Variants in RABGAP1 observed in about 807,000 individuals in gnomAD.
RABGAP1 encodes RAB GTPase activating protein 1, also known as rab GTPase-activating protein 1.
Under a neutral mutation model 137.6 loss-of-function variants are expected in RABGAP1, and 23 were observed. The observed-to-expected ratio is 0.17, with a 90% CI of 0.12 to 0.24. The LOEUF (loss-of-function observed/expected upper bound fraction) is 0.24, where lower values mean the gene tolerates loss of function less well. Ranked by LOEUF, RABGAP1 falls within the 10% of genes least tolerant of loss-of-function variation. RABGAP1 has a pLI of 1.00. For synonymous variants in RABGAP1, 451 were observed against 450.7 expected (o/e 1.00, Z -0.01); for missense variants, 906 against 1,275.8 (o/e 0.71, Z 4.42).
At position 123,088,277 on chromosome 9, in the gene RABGAP1, T is replaced by C. The variant is rs185743013; in HGVS notation, c.2425-1481T>C. On this transcript the variant is annotated intron_variant, in intron 19 of 25. Transcript: ENST00000373647. ...GTTGCCCAGGCTGGTTTCAAACTCC[T>C]GGCCTCAAGTGATCCTTCTGCCTTG... Among the ~76,000 whole-genome samples, 933 of 152,180 alleles carry C rather than the reference T, an allele frequency of 6.1e-3. 4 individuals are homozygous for C. Among genetic ancestry groups the C allele is most frequent in the Non-Finnish European group, 9.2e-3 (624 of 67,996 alleles).
chr9:122,938,092 A>C (rs924768116), upstream of RABGAP1: 5 of 152,240 alleles, frequency 3.3e-5, no homozygotes, highest in African/African-American at 1.2e-4. Context: ...AGCAGAAGAA[A>C]GAACCAGCAA....
chr9:123,048,676 T>A (rs2033327560), intron 13 of RABGAP1, among the ~76,000 whole-genome samples: 1 of 152,266 alleles, frequency 6.6e-6, no homozygotes, highest in Non-Finnish European at 1.5e-5. Flanking sequence ...TTGCATATAA[T>A]AATTTTATGT....
intron 2 of RABGAP1, among the ~76,000 whole-genome samples, chr9:122,968,160 A>T (rs900493108): frequency 2.6e-5 from 4 of 152,116 alleles, no homozygotes; most frequent in African/African-American, 9.7e-5. Context: ...ACATCAGTGT[A>T]AATAGGGTAT....
chr9:123,094,233 TTTC>T (rs1248557446), intron 21 of RABGAP1, among the ~76,000 whole-genome samples: 2 of 152,230 alleles, frequency 1.3e-5, no homozygotes, highest in African/African-American at 4.8e-5. Context: ...TGCCTCTCTT[TTTC>T]TTGTCTCACT....
At chr9:122,960,878 A>G (rs1018139881) in intron 2 of RABGAP1, among the ~76,000 whole-genome samples, 1 of 152,232 alleles carries the variant, frequency 6.6e-6, no homozygotes, top group African/African-American at 2.4e-5. Context: ...ACATCACAGT[A>G]ACTGAAATGA....
At chr9:122,945,147 C>CTTTGTTTTTTTTTTTTTTTTTTT (rs1833873059) in intron 1 of RABGAP1, among the ~76,000 whole-genome samples, 3 of 75,770 alleles carry the variant, frequency 4.0e-5, no homozygotes, top group Non-Finnish European at 8.6e-5. Flanking sequence ...ATAGCTGTTG[C>CTTTGTTTTTTTTTTTTTTTTTTT]TTTTTTTTTT....
chr9:123,011,209 T>C (rs1383025849), intron 11 of RABGAP1, among the ~76,000 whole-genome samples: 1 of 152,066 alleles, frequency 6.6e-6, no homozygotes, highest in African/African-American at 2.4e-5. Context: ...GAGCCATGCA[T>C]CTATATGTGA....
intron 2 of RABGAP1, among the ~76,000 whole-genome samples, chr9:122,964,811 G>A (rs1449964): frequency 0.98 from 148,712 of 152,222 alleles, 72,741 homozygotes; most frequent in East Asian, 1. Flanking sequence ...GGCAACATAC[G>A]GAGACTCCAT....
At chr9:123,018,448 G>A (rs532610103) in intron 12 of RABGAP1, among the ~76,000 whole-genome samples, 1 of 152,306 alleles carries the variant, frequency 6.6e-6, no homozygotes, top group South Asian at 2.1e-4. Flanking sequence ...GTCTGTCACA[G>A]CTACTCAGTT....
intron 14 of RABGAP1, among the ~76,000 whole-genome samples, chr9:123,066,788 G>A (rs2034187498): frequency 2.0e-5 from 3 of 152,174 alleles, no homozygotes; most frequent in South Asian, 2.1e-4. Flanking sequence ...TCTGTCAATT[G>A]TATCAAACAG....
chr9:122,957,318 T>C, intron 2 of RABGAP1, 109 bp downstream of exon 2: 2 of 834,824 alleles, frequency 2.4e-6, no homozygotes, highest in Non-Finnish European at 3.4e-6. Flanking sequence ...ATGGAAGTAA[T>C]ATACTTCTTT....
At chr9:123,049,007 T>A (rs1416127893) in intron 13 of RABGAP1, among the ~76,000 whole-genome samples, 2 of 152,202 alleles carry the variant, frequency 1.3e-5, no homozygotes, top group Non-Finnish European at 2.9e-5. Flanking sequence ...GGACTTAGAT[T>A]TATTTTTAGA....
In RABGAP1 at chr9:123,022,097, C is replaced by T. The variant is rs2031676443; in HGVS notation, c.1794+1638C>T. The stretch of plus-strand genomic sequence containing the variant: ...TTTTTATTTTCTTTTGTTGGCAAAT[C>T]ATATTTTGGATTTGTAACACTACTT... On this transcript the variant is annotated intron_variant, in intron 13 of 25. Coordinates refer to ENST00000373647, the MANE Select transcript of RABGAP1 (RefSeq NM_012197.4). 5.3e-5 allele frequency among the ~76,000 whole-genome samples: 8 copies of T among 152,242 alleles called. No homozygotes were observed. The South Asian group carries it at 1.7e-3, about 32-fold the overall frequency.
At chr9:122,990,796 A>AAAAAAAT (rs1564384161) in intron 6 of RABGAP1, 1 of 27,746 alleles carries the variant, frequency 3.6e-5, no homozygotes, top group Non-Finnish European at 6.9e-5. Context: ...AAAAAAAAAA[A>AAAAAAAT]ATATATATAT....
intron 7 of RABGAP1, 78 bp downstream of exon 7, chr9:122,996,229 T>TA (rs1837015605): frequency 6.7e-7 from 1 of 1,485,152 alleles, no homozygotes; most frequent in South Asian, 1.4e-5. Context: ...TACACTGTAT[T>TA]AAAAAATGTA....
Position 123,103,477 on chromosome 9 carries a change from TC to T in RABGAP1, c.*268del. 1 of 285,086 alleles carries T rather than the reference TC, an allele frequency of 3.5e-6. No homozygotes were observed. The highest frequency in any genetic ancestry group is 6.5e-6 in the Non-Finnish European group (1 of 153,946). 17.7% of individuals were successfully genotyped at this position (285,086 alleles called of 1,614,324 possible). On this transcript the variant is annotated 3_prime_UTR_variant, in exon 26 of 26. Coordinates refer to ENST00000373647, the MANE Select transcript of RABGAP1 (RefSeq NM_012197.4). ...CCTCAGTGTGACCTCCCAGGCCTCT[TC>T]CCCGTGTACGTCAACACCTCACCCA...
rs991377308 is a variant in RABGAP1 at position 123,035,415 on chromosome 9, C to T, written c.1794+14956C>T. On this transcript the variant is annotated intron_variant, in intron 13 of 25. Transcript: ENST00000373647. Reference sequence around the variant, plus strand: ...AAAGCTCCACTGGCCACAGCAACCGCTTCGCATCCTTCTTGACCACCTGGC... The same window carrying T: ...AAAGCTCCACTGGCCACAGCAACCGTTTCGCATCCTTCTTGACCACCTGGC... 3.1e-6 allele frequency: 5 copies of T among 1,614,074 alleles called. No homozygotes were observed. In the African/African-American group the frequency reaches 6.7e-5, roughly 22 times the overall value.
chr9:122,962,001 C>G (rs1177400653), intron 2 of RABGAP1, among the ~76,000 whole-genome samples: 1 of 152,076 alleles, frequency 6.6e-6, no homozygotes, highest in Non-Finnish European at 1.5e-5. Flanking sequence ...GTTCTTCTCT[C>G]AACTTCTTTA....
intron 2 of RABGAP1, among the ~76,000 whole-genome samples, chr9:122,968,336 C>G (rs1326447928): frequency 1.3e-5 from 2 of 149,714 alleles, no homozygotes; most frequent in Non-Finnish European, 3.0e-5. Context: ...GATTCTCATA[C>G]CTCAGCCTCC....
Sources: allele counts gnomAD v4.1 joint callset (sites outside exome capture counted in the v4.1 genomes callset), GRCh38; gene constraint gnomAD v4.1.1; transcripts MANE v1.5; gene names NCBI Gene and HGNC (gene_info 2026-07-23, HGNC 2026-07-21).